KPNA1: variants seen among roughly 807,000 people sequenced by gnomAD.
KPNA1 encodes the protein karyopherin subunit alpha 1.
KPNA1 carries 10 observed loss-of-function variants against 70.5 expected under a neutral mutation model. The observed-to-expected ratio is 0.14, with a 90% CI of 0.09 to 0.24. KPNA1 has a LOEUF of 0.24. Among genes scored for constraint, KPNA1 ranks in the 10% least tolerant of loss-of-function variants. KPNA1 has a pLI of 1.00. For missense variants in KPNA1, 397 were observed against 637.9 expected (o/e 0.62, Z 4.07); for synonymous variants, 192 against 221.9 (o/e 0.87, Z 1.20).
chr3:122,486,872 C>T (rs192020762), intron 2 of KPNA1, among the ~76,000 whole-genome samples: 168 of 152,292 alleles, frequency 1.1e-3, no homozygotes, highest in African/African-American at 2.9e-3. Flanking sequence ...CAATTCTGTA[C>T]ATTCTTAATG....
intron 2 of KPNA1, among the ~76,000 whole-genome samples, chr3:122,485,773 TGAAA>T (rs542691884): frequency 2.0e-4 from 30 of 152,124 alleles, no homozygotes; most frequent in South Asian, 4.1e-4. Flanking sequence ...TCAAAATTGC[TGAAA>T]GAGTGAATAT....
At chr3:122,460,358 C>G in intron 5 of KPNA1, 3 of 982,928 alleles carry the variant, frequency 3.1e-6, no homozygotes, top group Non-Finnish European at 3.6e-6. Flanking sequence ...GAATACTTGG[C>G]TGGGAGCAGT....
In KPNA1 at chr3:122,422,140, A is replaced by C. The variant is rs918037245; in HGVS notation, c.*4845T>G. ...AGAAACACTCAACAACCAGTACATT[A>C]AAAGGTGATTTTAATTTTTGACATT... On this transcript the variant is annotated 3_prime_UTR_variant, in exon 14 of 14. Coordinates refer to ENST00000344337, the MANE Select transcript of KPNA1 (RefSeq NM_002264.4). 3.3e-5 allele frequency: 5 copies of C among 152,192 alleles called. No individual in the cohort carries two copies. Among genetic ancestry groups the C allele is most frequent in the African/African-American group, 1.2e-4 (5 of 41,442 alleles). The allele number at this position is 152,192 out of a possible 1,614,324, so 9.4% of individuals were successfully genotyped here.
At chr3:122,456,127 T>C (rs2076262601) in intron 5 of KPNA1, among the ~76,000 whole-genome samples, 1 of 152,228 alleles carries the variant, frequency 6.6e-6, no homozygotes, top group East Asian at 1.9e-4. Flanking sequence ...TTTGGATATC[T>C]AGTTCAAGAA....
Position 122,425,787 on chromosome 3 carries a change from A to AAGAT in KPNA1, c.*1194_*1197dup, listed in dbSNP as rs2075815876. The AAGAT allele has an allele frequency of 6.6e-6, 1 of 152,664 alleles. No individual in the cohort carries two copies. The highest frequency in any genetic ancestry group is 1.5e-5 in the Non-Finnish European group (1 of 68,048). The allele number at this position is 152,664 out of a possible 1,614,324, so 9.5% of individuals were successfully genotyped here. Reference sequence around the variant, plus strand: ...AATGATTAGGAAACAATGAGGTTATAAGATCACTGTTCTTATTTGGGTTAA... The same window carrying AAGAT: ...AATGATTAGGAAACAATGAGGTTATAAGATAGATCACTGTTCTTATTTGGGTTAA... On this transcript the variant is annotated 3_prime_UTR_variant, in exon 14 of 14. Coordinates refer to ENST00000344337, the MANE Select transcript of KPNA1 (RefSeq NM_002264.4).
intron 2 of KPNA1, among the ~76,000 whole-genome samples, chr3:122,468,472 G>A (rs2076405701): frequency 6.6e-6 from 1 of 152,172 alleles, no homozygotes; most frequent in South Asian, 2.1e-4. Flanking sequence ...TAGGAGATCA[G>A]CATTACTCTT....
chr3:122,513,988 A>C (rs1485385738), intron 1 of KPNA1, among the ~76,000 whole-genome samples: 1 of 152,226 alleles, frequency 6.6e-6, no homozygotes, highest in African/African-American at 2.4e-5. Flanking sequence ...TTAAAAGTGG[A>C]ACACGACCCA....
intron 6 of KPNA1, among the ~76,000 whole-genome samples, chr3:122,452,659 G>A (rs1576301048): frequency 1.0e-5 from 1 of 100,302 alleles, no homozygotes; most frequent in Non-Finnish European, 2.0e-5. Context: ...GGGAGGGAGG[G>A]AGGAAGCAAG....
At chr3:122,475,306 G>A (rs1011588081) in intron 2 of KPNA1, among the ~76,000 whole-genome samples, 1 of 152,108 alleles carries the variant, frequency 6.6e-6, no homozygotes, top group Non-Finnish European at 1.5e-5. Flanking sequence ...AGCCAAGGAG[G>A]TGAAAGACCT....
At chr3:122,439,317 A>C (rs1028288730) in intron 10 of KPNA1, among the ~76,000 whole-genome samples, 1 of 152,168 alleles carries the variant, frequency 6.6e-6, no homozygotes, top group African/African-American at 2.4e-5. Flanking sequence ...TGAGTAGAGT[A>C]GGTAGGACTA....
At chr3:122,498,794 C>T (rs1011122186) in intron 1 of KPNA1, among the ~76,000 whole-genome samples, 1 of 152,146 alleles carries the variant, frequency 6.6e-6, no homozygotes, top group East Asian at 1.9e-4. Flanking sequence ...ATGAAGAAGT[C>T]AGCTATGATT....
rs2075779365 is a variant in KPNA1, at chr3:122,422,992, T to G, written c.*3993A>C. Reference sequence around the variant, plus strand: ...TTAAATTAGCATATAAATATTTGCTTTATCAGATATTCTGATGTCCTGGTA... The same window carrying G: ...TTAAATTAGCATATAAATATTTGCTGTATCAGATATTCTGATGTCCTGGTA... On this transcript the variant is annotated 3_prime_UTR_variant, in exon 14 of 14. Coordinates refer to ENST00000344337, the MANE Select transcript of KPNA1 (RefSeq NM_002264.4). 6.6e-6 allele frequency: 1 copy of G among 152,240 alleles called. No homozygotes were observed. The highest frequency in any genetic ancestry group is 1.5e-5 in the Non-Finnish European group (1 of 68,040). The allele number at this position is 152,240 out of a possible 1,614,324, so 9.4% of individuals were successfully genotyped here.
Position 122,423,859 on chromosome 3 carries a change from C to A in KPNA1, c.*3126G>T, listed in dbSNP as rs553527140. On this transcript the variant is annotated 3_prime_UTR_variant, in exon 14 of 14. Transcript: ENST00000344337. ...CTCAGAGCCAATAACCTTCATCTGT[C>A]ATATGGAAGAAACAATCCTAGGGCA... 5.2e-5 allele frequency: 8 copies of A among 152,632 alleles called. No homozygotes were observed. In the East Asian group the frequency reaches 1.5e-3, roughly 29 times the overall value. 9.5% of individuals were successfully genotyped at this position (152,632 alleles called of 1,614,324 possible).
chr3:122,509,022 G>A (rs1045512123), intron 1 of KPNA1, among the ~76,000 whole-genome samples: 1 of 152,134 alleles, frequency 6.6e-6, no homozygotes, highest in Non-Finnish European at 1.5e-5. Flanking sequence ...GAGGAGGGTG[G>A]ATCACTTGAG....
rs371696635 is a variant in KPNA1 at position 122,514,918 on chromosome 3, G to C, written c.-167C>G. 2.6e-5 allele frequency: 4 copies of C among 152,398 alleles called. No individual in the cohort carries two copies. Among genetic ancestry groups the C allele is most frequent in the South Asian group, 4.1e-4 (2 of 4,834 alleles). 9.4% of individuals were successfully genotyped at this position (152,398 alleles called of 1,614,324 possible). A position where few individuals can be genotyped will look rare whatever the true frequency, so the allele number is the denominator to read the frequency against. ...GCCTCGCACCGAGCAGCGAGACTCA[G>C]CTCAGCCGGCGTTCGCAGTGCGCCT... On this transcript the variant is annotated 5_prime_UTR_variant, in exon 1 of 14. Coordinates refer to ENST00000344337, the MANE Select transcript of KPNA1 (RefSeq NM_002264.4).
At chr3:122,447,291 G>A (rs997097445) in intron 9 of KPNA1, among the ~76,000 whole-genome samples, 3 of 152,148 alleles carry the variant, frequency 2.0e-5, no homozygotes, top group South Asian at 2.1e-4. Flanking sequence ...CTGGCAAACC[G>A]AATCCAGCAG....
intron 2 of KPNA1, among the ~76,000 whole-genome samples, chr3:122,489,332 C>G (rs1000245835): frequency 6.6e-6 from 1 of 151,368 alleles, no homozygotes; most frequent in Non-Finnish European, 1.5e-5. Flanking sequence ...CTCTGTCACT[C>G]AGGCTGGAGC....
Position 122,429,445 on chromosome 3 carries a change from T to TC in KPNA1, c.1251-1730dup, listed in dbSNP as rs2075868973. Among the ~76,000 whole-genome samples the TC allele has an allele frequency of 2.5e-4, 4 of 16,102 alleles. No individual in the cohort carries two copies. The South Asian group carries it at 7.4e-3, about 30-fold the overall frequency. The allele number at this position is 16,102 out of a possible 152,430, so 10.6% of individuals were successfully genotyped here. ...CTGGGCGAAAGAGCGAAACTCTGTC[T>TC]CAAAAAAAAAAAAAAAAAAAAAAAG... On this transcript the variant is annotated intron_variant, in intron 12 of 13. Transcript: ENST00000344337.
chr3:122,488,997 T>C (rs569039321), intron 2 of KPNA1, among the ~76,000 whole-genome samples: 1 of 151,558 alleles, frequency 6.6e-6, no homozygotes, highest in Admixed American at 6.6e-5. Flanking sequence ...CGGACTCCAA[T>C]TGCCTGTATT....
Sources: gnomAD v4.1 joint callset for allele counts (sites outside exome capture counted in the v4.1 genomes callset) on GRCh38, gnomAD v4.1.1 for gene constraint, MANE v1.5 for transcripts, NCBI Gene and HGNC (gene_info 2026-07-23, HGNC 2026-07-21) for gene names.